Variants in NLRP4 observed in about 807,000 individuals in gnomAD.
NLRP4 encodes the protein NLR family pyrin domain containing 4.
A neutral mutation model predicts 84.7 loss-of-function variants in NLRP4; 44 were observed. The observed-to-expected ratio is 0.52, with a 90% CI of 0.41 to 0.67. NLRP4 has a LOEUF of 0.67. Among genes scored for constraint, NLRP4 ranks in the 30% least tolerant of loss-of-function variants. The probability of loss-of-function intolerance (pLI) is 0.00; values close to 1 mark genes in which losing one functional copy is unlikely to be tolerated. For synonymous variants in NLRP4, 544 were observed against 476.4 expected (o/e 1.14, Z -1.85); for missense variants, 1,260 against 1,219.4 (o/e 1.03, Z -0.50).
chr19:55,840,081 C>T (rs549277070), intron 1 of NLRP4, among the ~76,000 whole-genome samples: 4 of 152,138 alleles, frequency 2.6e-5, no homozygotes, highest in Non-Finnish European at 5.9e-5. Context: ...TTGAAGCTTG[C>T]CCTGAGGATC....
In NLRP4 at chr19:55,870,988, A is replaced by G; in HGVS notation, c.2516A>G (p.Asp839Gly). 6.2e-7 allele frequency: 1 copy of G among 1,614,070 alleles called. No individual in the cohort carries two copies. The highest frequency in any genetic ancestry group is 8.5e-7 in the Non-Finnish European group (1 of 1,179,946). The stretch of plus-strand genomic sequence containing the variant: ...TTGAAACATCCGGACTGCTGCCTGG[A>G]TTCACTGTGGTAGGCTTTTTGCTGT... The part of the protein sequence containing the change: ...EALKHPDCCL[D>G]SLCLVKCFIT... The change falls in exon 7 of 10, where the codon GAT (aspartate) becomes GGT (glycine). Residue 839 changes from aspartate to glycine, a missense_variant. This residue lies in a region of NLRP4 where 544 missense variants were observed against 531.7 expected (regional missense o/e 1.02). Transcript: ENST00000301295.
Position 55,858,538 on chromosome 19 carries a change from C to A in NLRP4, c.1145C>A (p.Pro382His). The change falls in exon 3 of 10, where the codon CCT becomes CAT. Residue 382 changes from proline (P) to histidine (H), a missense_variant. Physicochemically the swap from Pro to His is moderately conservative, Grantham distance 77. Coordinates refer to ENST00000301295, the MANE Select transcript of NLRP4 (RefSeq NM_134444.5). The surrounding 1 kb of genome is among the most constrained non-coding windows in gnomAD (Gnocchi z 4.2). ...TCTTTCGTCTTTAACCTGTTCACAC[C>A]TGAGGGTGCCGAGGGCCCGACTCCG... ...YSSFVFNLFT[P>H]EGAEGPTPQT... The A allele has an allele frequency of 6.2e-7, 1 of 1,614,178 alleles. No individual in the cohort carries two copies. The highest frequency in any genetic ancestry group is 8.5e-7 in the Non-Finnish European group (1 of 1,180,044).
intron 1 of NLRP4, among the ~76,000 whole-genome samples, chr19:55,843,536 C>G (rs1179029536): frequency 6.6e-6 from 1 of 151,712 alleles, no homozygotes; most frequent in African/African-American, 2.4e-5. Context: ...ACTAAAAATA[C>G]AAAAAATTAG....
At chr19:55,865,713 A>G (rs1295187332) in intron 5 of NLRP4, among the ~76,000 whole-genome samples, 2 of 152,190 alleles carry the variant, frequency 1.3e-5, no homozygotes, top group Non-Finnish European at 1.5e-5. Flanking sequence ...TTTTCTAATG[A>G]TTAATGAGCA....
intron 4 of NLRP4, 64 bp from the exon 5 acceptor site, chr19:55,861,926 AAC>A: frequency 1.9e-6 from 2 of 1,062,666 alleles, no homozygotes; most frequent in African/African-American, 1.6e-5. Context: ...ATGAGAGACA[AAC>A]ACAGGTGTGC....
intron 1 of NLRP4, among the ~76,000 whole-genome samples, chr19:55,842,724 G>T (rs935638508): frequency 6.6e-6 from 1 of 151,776 alleles, no homozygotes; most frequent in Non-Finnish European, 1.5e-5. Flanking sequence ...TGGAAAATTT[G>T]TCATTTATCT....
intron 9 of NLRP4, among the ~76,000 whole-genome samples, chr19:55,881,166 T>TAC (rs1555811541): frequency 6.6e-6 from 1 of 151,516 alleles, no homozygotes; most frequent in South Asian, 2.1e-4. Context: ...TGTGTGTGTG[T>TAC]ACCTGTCTTT....
chr19:55,878,473 G>A (rs1985452181), intron 8 of NLRP4, among the ~76,000 whole-genome samples: 1 of 150,990 alleles, frequency 6.6e-6, no homozygotes, highest in African/African-American at 2.4e-5. Context: ...TGCTTCCATT[G>A]TTATCTGAGA....
chr19:55,868,452 T>A (rs1985047425), intron 6 of NLRP4, among the ~76,000 whole-genome samples: 1 of 151,648 alleles, frequency 6.6e-6, no homozygotes, highest in African/African-American at 2.4e-5. Flanking sequence ...TACCTTTAGG[T>A]GATACTTATA....
intron 1 of NLRP4, among the ~76,000 whole-genome samples, chr19:55,844,568 G>A (rs1405726080): frequency 1.3e-5 from 2 of 152,170 alleles, no homozygotes; most frequent in African/African-American, 4.8e-5. Context: ...GAGCTACTGT[G>A]CCCGGCCAGA....
chr19:55,873,671 A>G (rs965129742), intron 7 of NLRP4, among the ~76,000 whole-genome samples: 10 of 152,168 alleles, frequency 6.6e-5, no homozygotes, highest in African/African-American at 2.2e-4. Context: ...AGAAAAAAAG[A>G]CCACGCAAAT....
intron 2 of NLRP4, among the ~76,000 whole-genome samples, chr19:55,856,829 G>T (rs1012510700): frequency 2.0e-5 from 3 of 152,020 alleles, no homozygotes; most frequent in Non-Finnish European, 2.9e-5. Context: ...TGGATTTTTT[G>T]ATTGGCTTTT....
At chr19:55,861,953 T>G (rs1398034705) in intron 4 of NLRP4, 39 bp from the exon 5 acceptor site, 1 of 1,438,220 alleles carries the variant, frequency 7.0e-7, no homozygotes, top group Non-Finnish European at 9.8e-7. Context: ...TGTGCTCCCA[T>G]TAGATGAAAC....
At chr19:55,857,488 A>T (rs1568663742) in intron 2 of NLRP4, 186 bp from the exon 3 acceptor site, 1 of 602,398 alleles carries the variant, frequency 1.7e-6, no homozygotes, top group East Asian at 2.7e-5. Flanking sequence ...TCCTGTAGAC[A>T]ATATACCCGT....
intron 1 of NLRP4, among the ~76,000 whole-genome samples, chr19:55,849,852 GA>G (rs869222849): frequency 0.053 from 4,811 of 90,632 alleles, 504 homozygotes; most frequent in African/African-American, 0.24. Context: ...TAATTTCCGA[GA>G]CTGCGGTGTA....
chr19:55,848,630 C>T (rs979782080), intron 1 of NLRP4, among the ~76,000 whole-genome samples: 17 of 152,138 alleles, frequency 1.1e-4, no homozygotes, highest in Admixed American at 2.0e-4. Flanking sequence ...TCTGGATCTC[C>T]TGACCTTGAG....
intron 3 of NLRP4, among the ~76,000 whole-genome samples, chr19:55,861,025 G>C (rs1568666885): frequency 6.6e-6 from 1 of 152,154 alleles, no homozygotes; most frequent in Non-Finnish European, 1.5e-5. Flanking sequence ...CTCAGCCTTG[G>C]CACTGGTGAT....
intron 1 of NLRP4, among the ~76,000 whole-genome samples, chr19:55,840,991 C>T (rs73622417): frequency 0.011 from 1,635 of 152,154 alleles, 28 homozygotes; most frequent in African/African-American, 0.037. Context: ...CTATTTTGTT[C>T]AGATTTCCCA....
chr19:55,853,885 C>CTCTCTCTCTCTCTCTTTT (rs1984291024), intron 2 of NLRP4, among the ~76,000 whole-genome samples: 1,557 of 121,936 alleles, frequency 0.013, 345 homozygotes, highest in African/African-American at 0.057. Context: ...CTCTTGCTAT[C>CTCTCTCTCTCTCTCTTTT]TCTTTCTCTC....
Sources: gnomAD v4.1 joint callset for allele counts (sites outside exome capture counted in the v4.1 genomes callset) on GRCh38, gnomAD v4.1.1 for gene constraint, gnomAD v4.1.1 regional missense constraint, Gnocchi (gnomAD v3.1) non-coding constraint, MANE v1.5 for transcripts, NCBI Gene and HGNC (gene_info 2026-07-23, HGNC 2026-07-21) for gene names.